The following ABCC4 variants were observed in gnomAD, a reference collection of about 807,000 sequenced individuals.
ABCC4 encodes the protein ATP-binding cassette sub-family C member 4.
A neutral mutation model predicts 168.5 loss-of-function variants in ABCC4; 102 were observed. The ratio of observed to expected loss-of-function variants is 0.61; its 90% CI spans 0.52 to 0.71. The LOEUF (loss-of-function observed/expected upper bound fraction) is 0.71. Among genes scored for constraint, ABCC4 ranks in the 30% least tolerant of loss-of-function variants. The probability of loss-of-function intolerance (pLI) is 0.00; values close to 1 mark genes in which losing one functional copy is unlikely to be tolerated. For synonymous variants in ABCC4, 617 were observed against 590.7 expected, an observed-to-expected ratio of 1.04 and a Z score of -0.65; for missense variants, 1,402 against 1,605.8, an observed-to-expected ratio of 0.87 and a Z score of 2.17.
At chr13:95,163,757 C>T (rs1179290792) in intron 16 of ABCC4, 110 bp from the exon 17 acceptor site, 17 of 896,822 alleles carry the variant, frequency 1.9e-5, no homozygotes, top group South Asian at 6.0e-5. Context: ...CAAAGCCGGG[C>T]GTGGTGGCTC....
intron 19 of ABCC4, among the ~76,000 whole-genome samples, chr13:95,148,727 A>G (rs2036578833): frequency 6.6e-6 from 1 of 152,128 alleles, no homozygotes; most frequent in Non-Finnish European, 1.5e-5. Flanking sequence ...ATGAAAGTGG[A>G]CATGAGAATT....
chr13:95,179,392 C>G (rs1159457181), intron 11 of ABCC4, among the ~76,000 whole-genome samples: 1 of 152,122 alleles, frequency 6.6e-6, no homozygotes, highest in African/African-American at 2.4e-5. Flanking sequence ...ACTGGTTGCA[C>G]TAAGTAGACT....
At chr13:95,241,067 TA>T (rs1485998311) in intron 3 of ABCC4, among the ~76,000 whole-genome samples, 2 of 151,932 alleles carry the variant, frequency 1.3e-5, no homozygotes, top group African/African-American at 4.8e-5. Flanking sequence ...TTGAAGTTAT[TA>T]AAAACCACCT....
chr13:95,250,832 G>A lies in ABCC4; in HGVS notation c.75-3079C>T, dbSNP rs144072977. Among the ~76,000 whole-genome samples the A allele has an allele frequency of 7.1e-3, 985 of 139,436 alleles. 14 individuals carry two copies. Among genetic ancestry groups the A allele is most frequent in the Middle Eastern group, 0.03 (7 of 232 alleles). The allele number at this position is 139,436 out of a possible 152,430, so 91.5% of individuals were successfully genotyped here. On this transcript the variant is annotated intron_variant, in intron 1 of 30. Coordinates refer to ENST00000645237, the MANE Select transcript of ABCC4 (RefSeq NM_005845.5). Reference sequence around the variant, plus strand: ...CAGGCTGGATGGAGTACAGTGGAGCGATCAGAGCTCACTCAGATCCGATCA... The same window carrying A: ...CAGGCTGGATGGAGTACAGTGGAGCAATCAGAGCTCACTCAGATCCGATCA...
intron 20 of ABCC4, 80 bp downstream of exon 20, chr13:95,115,842 C>T (rs903786736): frequency 1.6e-5 from 19 of 1,193,772 alleles, no homozygotes; most frequent in Non-Finnish European, 2.3e-5. Context: ...GAGTCCCACC[C>T]CCAGACCCCA....
intron 4 of ABCC4, among the ~76,000 whole-genome samples, chr13:95,221,930 C>A (rs1286014079): frequency 6.6e-6 from 1 of 152,196 alleles, no homozygotes; most frequent in African/African-American, 2.4e-5. Context: ...TTGTTCCCTT[C>A]GCCATCCTCT....
intron 30 of ABCC4, among the ~76,000 whole-genome samples, chr13:95,022,482 C>T (rs1487185432): frequency 1.3e-5 from 2 of 152,126 alleles, no homozygotes; most frequent in East Asian, 1.9e-4. Context: ...GTAGCTGTAT[C>T]GTATCTTGGT....
chr13:95,270,995 T>A (rs1342760282), intron 1 of ABCC4, among the ~76,000 whole-genome samples: 1 of 152,158 alleles, frequency 6.6e-6, no homozygotes, highest in Admixed American at 6.6e-5. Context: ...CTCGGGAGGC[T>A]GAGGCAGGAG....
At chr13:95,169,842 CTATTAT>C (rs934446934) in intron 14 of ABCC4, among the ~76,000 whole-genome samples, 1 of 152,040 alleles carries the variant, frequency 6.6e-6, no homozygotes, top group Non-Finnish European at 1.5e-5. Context: ...TGTGTTGCTG[CTATTAT>C]TATTATTTTT....
chr13:95,290,698 T>A (rs1594452040), intron 1 of ABCC4, among the ~76,000 whole-genome samples: 4 of 49,460 alleles, frequency 8.1e-5, no homozygotes, highest in Non-Finnish European at 3.5e-5. Flanking sequence ...AGAGCAAAAC[T>A]CTGTCTCAAA....
At chr13:95,122,843 C>A (rs1160803817) in intron 19 of ABCC4, among the ~76,000 whole-genome samples, 3 of 152,182 alleles carry the variant, frequency 2.0e-5, no homozygotes, top group African/African-American at 7.2e-5. Flanking sequence ...GGGAAGCTAA[C>A]CCCGACTCTA....
chr13:95,135,872 G>T (rs1158390925), intron 19 of ABCC4, among the ~76,000 whole-genome samples: 1 of 152,150 alleles, frequency 6.6e-6, no homozygotes, highest in Non-Finnish European at 1.5e-5. Flanking sequence ...AGATATGTTT[G>T]TAAATAGCAA....
At chr13:95,247,151 A>C in intron 2 of ABCC4, 56 bp from the exon 3 acceptor site, 1 of 1,563,142 alleles carries the variant, frequency 6.4e-7, no homozygotes, top group Non-Finnish European at 8.7e-7. Context: ...AATATAAAAC[A>C]GGGGAGATGG....
At chr13:95,155,162 T>C (rs745397110) in intron 19 of ABCC4, among the ~76,000 whole-genome samples, 5 of 151,912 alleles carry the variant, frequency 3.3e-5, no homozygotes, top group African/African-American at 4.8e-5. Flanking sequence ...TCAATTCCTG[T>C]AGGATGCACA....
chr13:95,212,852 G>A (rs1361805215), intron 4 of ABCC4, among the ~76,000 whole-genome samples: 1 of 152,204 alleles, frequency 6.6e-6, no homozygotes, highest in Non-Finnish European at 1.5e-5. Context: ...GACATGCCAG[G>A]TGCGGTGGCT....
rs540352946 is a variant in ABCC4 at position 95,075,189 on chromosome 13, C to G, written c.2806+243G>C. 8.0e-6 allele frequency: 4 copies of G among 499,828 alleles called. No homozygotes were observed. The South Asian group carries it at 1.0e-4, about 13-fold the overall frequency. 31.0% of individuals were successfully genotyped at this position (499,828 alleles called of 1,614,324 possible). On this transcript the variant is annotated intron_variant, in intron 22 of 30. Transcript: ENST00000645237. ...TTTGCTGACAGAGCCACAGGCCATG[C>G]ATGGTGAGAGAAAGACCCCACAAGC...
At chr13:95,039,136 G>T (rs2032251333) in intron 29 of ABCC4, among the ~76,000 whole-genome samples, 1 of 152,172 alleles carries the variant, frequency 6.6e-6, no homozygotes, top group Non-Finnish European at 1.5e-5. Flanking sequence ...CTTAGGAAAT[G>T]CCTGGGACCA....
In ABCC4 at chr13:95,046,243, A is replaced by C. The variant is rs1419793467; in HGVS notation, c.3457-1805T>G. ...TTTGATAATACTGGTAAGTGCAAAAAGGTCTTTTCTAAGACCGGCAGCCAG... is the reference window on the plus strand; with the variant it reads ...TTTGATAATACTGGTAAGTGCAAAACGGTCTTTTCTAAGACCGGCAGCCAG... On this transcript the variant is annotated intron_variant, in intron 27 of 30. Transcript: ENST00000645237. 2.0e-5 allele frequency among the ~76,000 whole-genome samples: 3 copies of C among 152,186 alleles called. No individual in the cohort carries two copies. The East Asian group carries it at 5.8e-4, about 29-fold the overall frequency.
intron 1 of ABCC4, among the ~76,000 whole-genome samples, chr13:95,297,268 T>A (rs200194815): frequency 8.6e-4 from 121 of 140,194 alleles, no homozygotes; most frequent in South Asian, 1.1e-3. Context: ...CTCTGTCTCA[T>A]AAAAAAAAAA....
Sources: allele counts gnomAD v4.1 joint callset (sites outside exome capture counted in the v4.1 genomes callset), GRCh38; gene constraint gnomAD v4.1.1; transcripts MANE v1.5; gene names NCBI Gene and HGNC (gene_info 2026-07-23, HGNC 2026-07-21).